The following KCNJ6 variants were observed in gnomAD, a reference collection of about 807,000 sequenced individuals.
KCNJ6 encodes G protein-activated inward rectifier potassium channel 2.
A neutral mutation model predicts 34.2 loss-of-function variants in KCNJ6; 9 were observed. The ratio of observed to expected loss-of-function variants is 0.26; its 90% CI spans 0.16 to 0.46. The LOEUF (loss-of-function observed/expected upper bound fraction) is 0.46, where lower values mean the gene tolerates loss of function less well. Among genes scored for constraint, KCNJ6 ranks in the 20% least tolerant of loss-of-function variants. The probability of loss-of-function intolerance (pLI) is 1.00; values close to 1 mark genes in which losing one functional copy is unlikely to be tolerated. For missense variants in KCNJ6, 236 were observed against 531.3 expected (o/e 0.44, Z 5.46); for synonymous variants, 196 against 207.1 (o/e 0.95, Z 0.46).
At chr21:37,780,502 G>C (rs997601289) in intron 2 of KCNJ6, among the ~76,000 whole-genome samples, 1 of 151,318 alleles carries the variant, frequency 6.6e-6, no homozygotes, top group Non-Finnish European at 1.5e-5. Context: ...TGGTTCATCA[G>C]TATTGTTACA....
intron 2 of KCNJ6, among the ~76,000 whole-genome samples, chr21:37,748,178 G>A (rs570851350): frequency 6.6e-6 from 1 of 152,298 alleles, no homozygotes; most frequent in East Asian, 1.9e-4. Context: ...TGGTGGATAC[G>A]TGAACACTTC....
At chr21:37,793,720 C>G (rs145560717) in intron 2 of KCNJ6, among the ~76,000 whole-genome samples, 22 of 152,148 alleles carry the variant, frequency 1.4e-4, no homozygotes, top group African/African-American at 4.8e-4. Context: ...GGGTGTTAAG[C>G]ACTTGGCCCA....
intron 2 of KCNJ6, among the ~76,000 whole-genome samples, chr21:37,769,281 G>A (rs1335536287): frequency 6.6e-6 from 1 of 152,034 alleles, no homozygotes; most frequent in Non-Finnish European, 1.5e-5. Context: ...GCTAATGTGT[G>A]TATGCCAGCC....
chr21:37,787,603 C>T (rs1256531275), intron 2 of KCNJ6, among the ~76,000 whole-genome samples: 1 of 152,090 alleles, frequency 6.6e-6, no homozygotes, highest in Non-Finnish European at 1.5e-5. Flanking sequence ...CCTTGGGATC[C>T]CCAAGGACAT....
In KCNJ6 at chr21:37,803,134, C is replaced by T. The variant is rs566261004; in HGVS notation, c.25+37524G>A. On this transcript the variant is annotated intron_variant, in intron 2 of 3. Transcript: ENST00000609713. ...TTAAATTCTAAGCCTTTGACAATGA[C>T]GTTGAAAATTATGTTTTCTTCCTTA... Among the ~76,000 whole-genome samples, 69 of 152,282 alleles carry T rather than the reference C, an allele frequency of 4.5e-4. 1 individual carries two copies. The South Asian group carries it at 0.012, about 26-fold the overall frequency.
rs1210611208 is a variant in KCNJ6 at position 37,903,738 on chromosome 21, C to CA, written c.-28+12145dup. 8.8e-4 allele frequency among the ~76,000 whole-genome samples: 121 copies of CA among 137,458 alleles called. 1 individual carries two copies. The South Asian group carries it at 0.019, about 21-fold the overall frequency. 90.2% of individuals were successfully genotyped at this position (137,458 alleles called of 152,430 possible). On this transcript the variant is annotated intron_variant, in intron 1 of 3. Coordinates refer to ENST00000609713, the MANE Select transcript of KCNJ6 (RefSeq NM_002240.5). ...TCTGGAAATTAAAAACAAAACAAAA[C>CA]AAAACAAAAAAAAACGAAGAAGCAA...
intron 2 of KCNJ6, among the ~76,000 whole-genome samples, chr21:37,793,545 CAAAAAAAAAAA>C (rs954872713): frequency 5.0e-5 from 1 of 19,870 alleles, no homozygotes; most frequent in Admixed American, 4.6e-4. Flanking sequence ...GACTCCATCT[CAAAAAAAAAAA>C]AAAAAAAAAA....
intron 2 of KCNJ6, among the ~76,000 whole-genome samples, chr21:37,720,102 T>TG (rs35985240): frequency 0.4 from 60,836 of 151,576 alleles, 12,907 homozygotes; most frequent in Non-Finnish European, 0.47. Flanking sequence ...CAATTTTGGG[T>TG]GGGGGGGTTC....
chr21:37,607,604 A>C lies in KCNJ6; in HGVS notation c.*17555T>G, dbSNP rs1455967076. 2.3e-4 allele frequency: 35 copies of C among 151,902 alleles called. No individual in the cohort carries two copies. Among genetic ancestry groups the C allele is most frequent in the Non-Finnish European group, 2.9e-5 (2 of 67,984 alleles). The allele number at this position is 151,902 out of a possible 1,614,324, so 9.4% of individuals were successfully genotyped here. On this transcript the variant is annotated 3_prime_UTR_variant, in exon 4 of 4. Transcript: ENST00000609713. The stretch of plus-strand genomic sequence containing the variant: ...CACAGACATACTTGGAGTTGAGTAA[A>C]GGGAGTTACAAAAGGACCAAAAAAT...
intron 1 of KCNJ6, among the ~76,000 whole-genome samples, chr21:37,848,443 A>T (rs141330559): frequency 6.6e-6 from 1 of 152,290 alleles, no homozygotes; most frequent in East Asian, 1.9e-4. Context: ...TAGGCAGGCC[A>T]TGTAGGATGC....
intron 1 of KCNJ6, among the ~76,000 whole-genome samples, chr21:37,912,016 T>A (rs2055869183): frequency 1.3e-5 from 2 of 152,158 alleles, no homozygotes; most frequent in African/African-American, 4.8e-5. Context: ...TTCTATATTC[T>A]CAAGGAAAAT....
At chr21:37,636,612 G>A (rs574028160) in intron 3 of KCNJ6, among the ~76,000 whole-genome samples, 2 of 152,292 alleles carry the variant, frequency 1.3e-5, no homozygotes, top group African/African-American at 4.8e-5. Context: ...TGCGTGTTAC[G>A]GGTGGTGATT....
At chr21:37,683,817 T>C (rs58936433) in intron 3 of KCNJ6, among the ~76,000 whole-genome samples, 14,384 of 152,034 alleles carry the variant, frequency 0.095, 1,635 homozygotes, top group African/African-American at 0.27. Context: ...GGAGCAATTA[T>C]GTGAAGTGGC....
chr21:37,607,575 C>G lies in KCNJ6; in HGVS notation c.*17584G>C, dbSNP rs371230424. 1 of 150,186 alleles carries G rather than the reference C, an allele frequency of 6.7e-6. No individual in the cohort carries two copies. The highest frequency in any genetic ancestry group is 2.5e-5 in the African/African-American group (1 of 40,702). The allele number at this position is 150,186 out of a possible 1,614,324, so 9.3% of individuals were successfully genotyped here. The stretch of plus-strand genomic sequence containing the variant: ...TTGAGCATGCTTTCGTCTCATTGTC[C>G]GTGCACAGACATACTTGGAGTTGAG... On this transcript the variant is annotated 3_prime_UTR_variant, in exon 4 of 4. Transcript: ENST00000609713.
intron 2 of KCNJ6, among the ~76,000 whole-genome samples, chr21:37,759,848 G>A (rs2055051544): frequency 6.6e-6 from 1 of 152,214 alleles, no homozygotes; most frequent in Non-Finnish European, 1.5e-5. Context: ...CTGCAGATGA[G>A]AACATGGCAG....
chr21:37,806,753 T>TA (rs2055295457), intron 2 of KCNJ6, among the ~76,000 whole-genome samples: 2 of 152,342 alleles, frequency 1.3e-5, no homozygotes, highest in Admixed American at 1.3e-4. Flanking sequence ...GATAATATTT[T>TA]AATGTGTGCA....
intron 3 of KCNJ6, among the ~76,000 whole-genome samples, chr21:37,694,741 C>G (rs1259887739): frequency 1.3e-5 from 2 of 152,198 alleles, no homozygotes; most frequent in East Asian, 3.8e-4. Flanking sequence ...GCCCTAACTC[C>G]CAATGTGACT....
intron 2 of KCNJ6, among the ~76,000 whole-genome samples, chr21:37,760,222 C>A (rs1017981383): frequency 1.3e-5 from 2 of 152,186 alleles, no homozygotes; most frequent in Admixed American, 1.3e-4. Context: ...ATGTCTCCTG[C>A]TACTTTAAGC....
intron 2 of KCNJ6, among the ~76,000 whole-genome samples, chr21:37,735,044 A>G (rs906780008): frequency 6.6e-5 from 10 of 152,112 alleles, no homozygotes; most frequent in African/African-American, 2.4e-4. Context: ...CACCTGACAC[A>G]GCCCAAAGCT....
Sources: gnomAD v4.1 joint callset for allele counts (sites outside exome capture counted in the v4.1 genomes callset) on GRCh38, gnomAD v4.1.1 for gene constraint, MANE v1.5 for transcripts, NCBI Gene and HGNC (gene_info 2026-07-23, HGNC 2026-07-21) for gene names.